The following ARID1B variants were observed in gnomAD, a reference collection of about 807,000 sequenced individuals.
ARID1B encodes the protein AT-rich interaction domain 1B.
In ARID1B, 30 loss-of-function variants were observed where a neutral mutation model predicts 212.3. The observed-to-expected ratio is 0.14, with a 90% CI of 0.11 to 0.19. The LOEUF (loss-of-function observed/expected upper bound fraction) is 0.19, where lower values mean the gene tolerates loss of function less well. ARID1B is among the 10% of genes least tolerant of loss of function. ARID1B has a pLI of 1.00. For synonymous variants in ARID1B, 1,402 were observed against 1,301.7 expected (o/e 1.08, Z -1.66); for missense variants, 2,891 against 3,204.0 (o/e 0.90, Z 2.36).
At chr6:157,182,523 T>G (rs1193028192) in intron 12 of ARID1B, among the ~76,000 whole-genome samples, 2 of 152,024 alleles carry the variant, frequency 1.3e-5, no homozygotes, top group Non-Finnish European at 2.9e-5. Flanking sequence ...CCCACCAAGG[T>G]GGCGGGGGTC....
At chr6:157,069,745 A>G (rs930349627) in intron 4 of ARID1B, among the ~76,000 whole-genome samples, 2 of 152,174 alleles carry the variant, frequency 1.3e-5, no homozygotes, top group African/African-American at 2.4e-5. Context: ...GCTTGACACT[A>G]ATGATCATGA....
At chr6:157,195,950 A>G in intron 15 of ARID1B, 1 of 473,674 alleles carries the variant, frequency 2.1e-6, no homozygotes, top group Non-Finnish European at 3.7e-6. Context: ...AATCTCAGCT[A>G]CTTGGGAGGG....
intron 2 of ARID1B, among the ~76,000 whole-genome samples, chr6:156,856,726 AC>A: frequency 6.7e-6 from 1 of 148,388 alleles, no homozygotes; most frequent in East Asian, 1.9e-4. Flanking sequence ...ACACACACAC[AC>A]ACACACACAC....
intron 4 of ARID1B, among the ~76,000 whole-genome samples, chr6:157,026,984 GTTA>G (rs1780705153): frequency 6.6e-6 from 1 of 152,110 alleles, no homozygotes; most frequent in Non-Finnish European, 1.5e-5. Context: ...ATAGTTATTT[GTTA>G]TTATTGCCCT....
intron 2 of ARID1B, among the ~76,000 whole-genome samples, chr6:156,842,086 AC>A (rs1202738034): frequency 1.3e-5 from 2 of 152,230 alleles, no homozygotes; most frequent in African/African-American, 4.8e-5. Flanking sequence ...GTTACCTACT[AC>A]GTCTATCACA....
intron 2 of ARID1B, among the ~76,000 whole-genome samples, chr6:156,881,467 G>GTA (rs760078904): frequency 2.0e-5 from 3 of 152,094 alleles, no homozygotes; most frequent in African/African-American, 4.8e-5. Context: ...ACACATCTAT[G>GTA]TATATATATA....
intron 4 of ARID1B, among the ~76,000 whole-genome samples, chr6:157,047,474 A>G (rs767500878): frequency 6.6e-6 from 1 of 152,170 alleles, no homozygotes; most frequent in Non-Finnish European, 1.5e-5. Context: ...AGATAGATTC[A>G]TTGACAGCAT....
chr6:156,807,941 C>T (rs569678483), intron 1 of ARID1B, among the ~76,000 whole-genome samples: 2 of 152,292 alleles, frequency 1.3e-5, no homozygotes, highest in South Asian at 4.1e-4. Flanking sequence ...GGGTCTGAGT[C>T]CTGCGTGACT....
At chr6:157,085,745 C>CATATATATATAT in intron 5 of ARID1B, among the ~76,000 whole-genome samples, 1 of 151,710 alleles carries the variant, frequency 6.6e-6, no homozygotes, top group Non-Finnish European at 1.5e-5. Context: ...GAATATTACA[C>CATATATATATAT]ATATATATCT....
chr6:157,159,487 G>T (rs1246518833), intron 8 of ARID1B, among the ~76,000 whole-genome samples: 4 of 152,196 alleles, frequency 2.6e-5, no homozygotes, highest in African/African-American at 9.7e-5. Context: ...CAAAAAGGAA[G>T]AGCTGAATCT....
At chr6:157,059,130 A>G (rs779704394) in intron 4 of ARID1B, among the ~76,000 whole-genome samples, 5 of 151,262 alleles carry the variant, frequency 3.3e-5, no homozygotes, top group Admixed American at 1.3e-4. Flanking sequence ...TTGGCATGAG[A>G]AAAGATTTAA....
At chr6:156,839,861 G>T (rs1267766479) in intron 2 of ARID1B, among the ~76,000 whole-genome samples, 1 of 152,228 alleles carries the variant, frequency 6.6e-6, no homozygotes, top group African/African-American at 2.4e-5. Context: ...GTCTGGCAAG[G>T]AGCATCATGC....
At chr6:157,041,130 T>C (rs940601611) in intron 4 of ARID1B, among the ~76,000 whole-genome samples, 1 of 152,166 alleles carries the variant, frequency 6.6e-6, no homozygotes, top group Non-Finnish European at 1.5e-5. Context: ...GATCATGATT[T>C]GAATATATTA....
intron 2 of ARID1B, among the ~76,000 whole-genome samples, chr6:156,895,032 G>A (rs9372026): frequency 0.2 from 29,788 of 152,132 alleles, 3,100 homozygotes; most frequent in African/African-American, 0.25. Flanking sequence ...GTGGTGTGGT[G>A]GTGTTCATGG....
In ARID1B at chr6:157,208,032, G is replaced by A. The variant is rs1794595528; in HGVS notation, c.*141G>A. On this transcript the variant is annotated 3_prime_UTR_variant, in exon 20 of 20. Transcript: ENST00000636930. ...TGCCCCATTCACTATTTACCAATTG[G>A]GAATTAAAGAAATAATTAATTTGAA... The A allele has an allele frequency of 3.5e-6, 3 of 860,492 alleles. No individual in the cohort carries two copies. Among genetic ancestry groups the A allele is most frequent in the East Asian group, 2.8e-5 (1 of 35,662 alleles). 53.3% of individuals were successfully genotyped at this position (860,492 alleles called of 1,614,324 possible). A position where few individuals can be genotyped will look rare whatever the true frequency, so the allele number is the denominator to read the frequency against.
intron 8 of ARID1B, chr6:157,149,435 T>C (rs1340411216): frequency 4.5e-5 from 7 of 157,122 alleles, no homozygotes; most frequent in African/African-American, 1.7e-4. Context: ...TTTGTCTAAA[T>C]GTATATGTGT....
chr6:156,877,708 CTTT>C (rs527950418), intron 2 of ARID1B, among the ~76,000 whole-genome samples: 1 of 142,120 alleles, frequency 7.0e-6, no homozygotes. Flanking sequence ...CATATTTATC[CTTT>C]TTTTTTTTTT....
chr6:157,121,907 C>T (rs1429697409), intron 6 of ARID1B, among the ~76,000 whole-genome samples: 2 of 152,174 alleles, frequency 1.3e-5, no homozygotes, highest in Non-Finnish European at 2.9e-5. Flanking sequence ...GGATTACAGG[C>T]GTGAGCCTCT....
intron 2 of ARID1B, among the ~76,000 whole-genome samples, chr6:156,837,457 T>C (rs1378149896): frequency 6.6e-6 from 1 of 152,234 alleles, no homozygotes; most frequent in Non-Finnish European, 1.5e-5. Context: ...CTTAACTCTT[T>C]AACTCTCATG....
Sources: gnomAD v4.1 joint callset for allele counts (sites outside exome capture counted in the v4.1 genomes callset) on GRCh38, gnomAD v4.1.1 for gene constraint, MANE v1.5 for transcripts, NCBI Gene and HGNC (gene_info 2026-07-23, HGNC 2026-07-21) for gene names.